Variants in NEGR1 observed in about 807,000 individuals in gnomAD.
The protein encoded by NEGR1 is neuronal growth regulator 1, also known as IgLON family member 4.
In NEGR1, 10 loss-of-function variants were observed where a neutral mutation model predicts 40.9. That is an observed-to-expected ratio of 0.24 (90% CI 0.15 to 0.42). The LOEUF is 0.42. Ranked by LOEUF, NEGR1 falls within the 10% of genes least tolerant of loss-of-function variation. The pLI is 1.00. For missense variants in NEGR1, 352 were observed against 438.9 expected (o/e 0.80, Z 1.77); for synonymous variants, 185 against 166.8 (o/e 1.11, Z -0.84).
chr1:71,454,293 G>T (rs1479409495), intron 6 of NEGR1, among the ~76,000 whole-genome samples: 1 of 151,672 alleles, frequency 6.6e-6, no homozygotes, highest in East Asian at 1.9e-4. Context: ...AGAGCTTATG[G>T]TGACTTTGTC....
At chr1:71,573,138 C>T (rs542314335) in intron 6 of NEGR1, among the ~76,000 whole-genome samples, 37 of 151,836 alleles carry the variant, frequency 2.4e-4, no homozygotes, top group Non-Finnish European at 3.5e-4. Context: ...ATTGTAGGTT[C>T]GATGTTACAC....
chr1:71,861,154 TTGC>T (rs1424247168), intron 2 of NEGR1, among the ~76,000 whole-genome samples: 1 of 152,062 alleles, frequency 6.6e-6, no homozygotes, highest in Non-Finnish European at 1.5e-5. Context: ...CAGCCTGGAT[TTGC>T]ATCACATCTA....
chr1:72,103,205 C>G (rs115334061), intron 1 of NEGR1, among the ~76,000 whole-genome samples: 1,708 of 152,200 alleles, frequency 0.011, 36 homozygotes, highest in African/African-American at 0.039. Context: ...CCATTACAGT[C>G]TTAAGATTCC....
intron 6 of NEGR1, among the ~76,000 whole-genome samples, chr1:71,554,349 A>T (rs1411332491): frequency 6.6e-6 from 1 of 151,308 alleles, no homozygotes; most frequent in East Asian, 2.0e-4. Flanking sequence ...TTTTTTTTAG[A>T]ATGGAATATT....
In NEGR1 at chr1:71,403,148, G is replaced by A. The variant is rs1044865644; in HGVS notation, c.*4298C>T. On this transcript the variant is annotated 3_prime_UTR_variant, in exon 7 of 7. Coordinates refer to ENST00000357731, the MANE Select transcript of NEGR1 (RefSeq NM_173808.3). Reference sequence around the variant, plus strand: ...GACTATCATAGATGAACAGATATGGGAAAGAGGGCTTAAAAAATTCATTTG... The same window carrying A: ...GACTATCATAGATGAACAGATATGGAAAAGAGGGCTTAAAAAATTCATTTG... 15 of 152,034 alleles carry A rather than the reference G, an allele frequency of 9.9e-5. No individual in the cohort carries two copies. The highest frequency in any genetic ancestry group is 3.6e-4 in the African/African-American group (15 of 41,424). 9.4% of individuals were successfully genotyped at this position (152,034 alleles called of 1,614,324 possible). A position where few individuals can be genotyped will look rare whatever the true frequency, so the allele number is the denominator to read the frequency against.
intron 6 of NEGR1, among the ~76,000 whole-genome samples, chr1:71,444,223 C>T (rs139482288): frequency 6.6e-6 from 1 of 152,138 alleles, no homozygotes; most frequent in Admixed American, 6.5e-5. Flanking sequence ...ATTGTTATGA[C>T]CAGAAAATAT....
chr1:71,746,325 G>A lies in NEGR1; in HGVS notation c.535+29847C>T, dbSNP rs141228033. Reference sequence around the variant, plus strand: ...ATAATTAAATCTGTTGTTTAAGGCTGCAAGAGGCAAGAGTTCAAGATTACC... The same window carrying A: ...ATAATTAAATCTGTTGTTTAAGGCTACAAGAGGCAAGAGTTCAAGATTACC... On this transcript the variant is annotated intron_variant, in intron 3 of 6. Transcript: ENST00000357731. Among the ~76,000 whole-genome samples the A allele has an allele frequency of 3.7e-3, 560 of 152,296 alleles. 3 individuals carry two copies. Among genetic ancestry groups the A allele is most frequent in the African/African-American group, 0.012 (513 of 41,558 alleles).
chr1:71,431,552 ATCC>A (rs1646469230), intron 6 of NEGR1, among the ~76,000 whole-genome samples: 2 of 98,962 alleles, frequency 2.0e-5, no homozygotes, highest in East Asian at 6.9e-4. Flanking sequence ...CCATCCATCC[ATCC>A]ATCTGTTTAT....
At chr1:71,539,324 A>C (rs1647613588) in intron 6 of NEGR1, among the ~76,000 whole-genome samples, 1 of 151,756 alleles carries the variant, frequency 6.6e-6, no homozygotes, top group Non-Finnish European at 1.5e-5. Context: ...CCTTAAAAGT[A>C]ATTTTTTTCC....
intron 4 of NEGR1, among the ~76,000 whole-genome samples, chr1:71,660,991 G>T (rs1239416788): frequency 2.0e-5 from 3 of 152,132 alleles, no homozygotes; most frequent in Non-Finnish European, 2.9e-5. Context: ...GAGAATGATG[G>T]TTTCCAGCTT....
chr1:72,146,635 A>C (rs962749078), intron 1 of NEGR1, among the ~76,000 whole-genome samples: 13 of 152,122 alleles, frequency 8.5e-5, no homozygotes, highest in African/African-American at 2.4e-5. Context: ...AACATAAATA[A>C]ATTTTGTGTT....
Position 71,575,148 on chromosome 1 carries a change from T to C in NEGR1, c.940+17669A>G, listed in dbSNP as rs1570052146. On this transcript the variant is annotated intron_variant, in intron 6 of 6. Transcript: ENST00000357731. Reference sequence around the variant, plus strand: ...CTACAGAGAGAGGAAGGAATATACATATCTCTGCTAAGGGAGGAGCTCATA... The same window carrying C: ...CTACAGAGAGAGGAAGGAATATACACATCTCTGCTAAGGGAGGAGCTCATA... Among the ~76,000 whole-genome samples the C allele has an allele frequency of 2.0e-5, 3 of 152,192 alleles. No homozygotes were observed. The East Asian group carries it at 5.8e-4, about 29-fold the overall frequency.
At chr1:72,019,945 T>C (rs901989694) in intron 1 of NEGR1, among the ~76,000 whole-genome samples, 3 of 152,224 alleles carry the variant, frequency 2.0e-5, no homozygotes, top group East Asian at 1.9e-4. Flanking sequence ...ATTCTAGTTA[T>C]AGTGAAAAAC....
At chr1:72,024,193 C>T (rs1646786685) in intron 1 of NEGR1, among the ~76,000 whole-genome samples, 1 of 152,044 alleles carries the variant, frequency 6.6e-6, no homozygotes. Flanking sequence ...GATTAACATA[C>T]CAGAAATTAT....
In NEGR1 at chr1:71,397,148, A is replaced by G. The variant is rs1646217662; in HGVS notation, c.*10298T>C. The G allele has an allele frequency of 1.9e-5, 3 of 155,026 alleles. No individual in the cohort carries two copies. The highest frequency in any genetic ancestry group is 6.5e-5 in the Admixed American group (1 of 15,332). 9.6% of individuals were successfully genotyped at this position (155,026 alleles called of 1,614,324 possible). On this transcript the variant is annotated 3_prime_UTR_variant, in exon 7 of 7. Coordinates refer to ENST00000357731, the MANE Select transcript of NEGR1 (RefSeq NM_173808.3). ...TGAATAACTTGTTGGGAACTGGAGC[A>G]AAGGTGACTCTTGTTATGTTTTAGC...
intron 6 of NEGR1, among the ~76,000 whole-genome samples, chr1:71,588,800 A>G (rs904862633): frequency 6.6e-6 from 1 of 152,124 alleles, no homozygotes; most frequent in Non-Finnish European, 1.5e-5. Context: ...GACTTGCAGA[A>G]AAACAGAAAA....
chr1:71,465,458 C>CCCTA (rs1163582307), intron 6 of NEGR1, among the ~76,000 whole-genome samples: 2 of 152,008 alleles, frequency 1.3e-5, no homozygotes, highest in Non-Finnish European at 2.9e-5. Flanking sequence ...CTGTATCTAC[C>CCCTA]CCTAGTCTTC....
chr1:71,454,042 T>TGG (rs1646652114), intron 6 of NEGR1, among the ~76,000 whole-genome samples: 1 of 152,230 alleles, frequency 6.6e-6, no homozygotes, highest in Non-Finnish European at 1.5e-5. Context: ...TCAGCCATAA[T>TGG]TCATGAGCTC....
At chr1:71,560,033 C>T (rs357210) in intron 6 of NEGR1, among the ~76,000 whole-genome samples, 92,458 of 150,814 alleles carry the variant, frequency 0.61, 28,688 homozygotes, top group Middle Eastern at 0.65. Context: ...AAGTCTAGTG[C>T]ACATGATTGT....
Sources: allele counts gnomAD v4.1 joint callset (sites outside exome capture counted in the v4.1 genomes callset), GRCh38; gene constraint gnomAD v4.1.1; transcripts MANE v1.5; gene names NCBI Gene and HGNC (gene_info 2026-07-23, HGNC 2026-07-21).